The following NXPE4 variants were observed in gnomAD, a reference collection of about 807,000 sequenced individuals.
NXPE4 encodes neurexophilin and PC-esterase domain family member 4.
NXPE4 carries 42 observed loss-of-function variants against 33.3 expected under a neutral mutation model. The observed-to-expected ratio is 1.26, with a 90% CI of 0.98 to 1.63. NXPE4 has a LOEUF of 1.63. Among genes scored for constraint, NXPE4 ranks in the 40% most tolerant of loss-of-function variants. The probability of loss-of-function intolerance (pLI) is 0.00; values close to 1 mark genes in which losing one functional copy is unlikely to be tolerated. For missense variants in NXPE4, 709 were observed against 647.6 expected (o/e 1.09, Z -1.03); for synonymous variants, 253 against 234.9 (o/e 1.08, Z -0.71).
At chr11:114,660,452 C>T in the NXPE4 span, among the ~76,000 whole-genome samples, 1 of 151,910 alleles carries the variant, frequency 6.6e-6, no homozygotes, top group African/African-American at 2.4e-5. Context: ...AAGCCTTGTT[C>T]ATCATTTGAA....
the NXPE4 span, among the ~76,000 whole-genome samples, chr11:114,677,724 A>G: frequency 4.8e-4 from 73 of 152,176 alleles, no homozygotes; most frequent in African/African-American, 1.7e-3. Context: ...ACACATATCT[A>G]TGAAGTATAC....
At chr11:114,615,042 G>T in the NXPE4 span, among the ~76,000 whole-genome samples, 1 of 151,330 alleles carries the variant, frequency 6.6e-6, no homozygotes, top group African/African-American at 2.4e-5. Flanking sequence ...TTACCCACTG[G>T]ATAATAAGTG....
At chr11:114,619,439 C>T in the NXPE4 span, among the ~76,000 whole-genome samples, 6 of 151,460 alleles carry the variant, frequency 4.0e-5, no homozygotes, top group South Asian at 2.1e-4. Context: ...CACTGTTACC[C>T]GGTGGAGAAT....
the NXPE4 span, among the ~76,000 whole-genome samples, chr11:114,640,898 G>A: frequency 6.6e-6 from 1 of 151,890 alleles, no homozygotes; most frequent in East Asian, 1.9e-4. Context: ...CTCTCATTTT[G>A]TAGGTTTCCT....
At chr11:114,632,562 T>C in the NXPE4 span, among the ~76,000 whole-genome samples, 1 of 115,770 alleles carries the variant, frequency 8.6e-6, no homozygotes, top group Non-Finnish European at 1.6e-5. Context: ...ATTTGTTATA[T>C]ATTTACATAT....
the NXPE4 span, among the ~76,000 whole-genome samples, chr11:114,603,678 A>C: frequency 2.6e-5 from 4 of 151,172 alleles, no homozygotes; most frequent in African/African-American, 9.7e-5. Context: ...CTCTTGGGTA[A>C]CTCCTATTAC....
upstream of NXPE4, among the ~76,000 whole-genome samples, chr11:114,598,728 C>T (rs2135316371): frequency 6.6e-6 from 1 of 152,232 alleles, no homozygotes; most frequent in African/African-American, 2.4e-5. Flanking sequence ...TGAGGCTGTG[C>T]AGGGTGACAG....
chr11:114,602,814 C>G, the NXPE4 span, among the ~76,000 whole-genome samples: 1 of 138,822 alleles, frequency 7.2e-6, no homozygotes, highest in Non-Finnish European at 1.5e-5. Context: ...ATTACAGAAT[C>G]ATATATAATA....
At chr11:114,600,152 C>T (rs1949620794), upstream of NXPE4, among the ~76,000 whole-genome samples, 1 of 151,924 alleles carries the variant, frequency 6.6e-6, no homozygotes, top group Non-Finnish European at 1.5e-5. Flanking sequence ...AGTTTATTTC[C>T]ACCAATATAT....
Position 114,582,485 on chromosome 11 carries a change from G to T in NXPE4, c.633C>A (p.Gly211=), listed in dbSNP as rs779508520. The T allele has an allele frequency of 6.2e-7, 1 of 1,614,124 alleles. No individual in the cohort carries two copies. Residue 211 remains glycine, a synonymous_variant, in exon 3 of 6, where the codon GGC becomes GGA. Coordinates refer to ENST00000375478, the MANE Select transcript of NXPE4 (RefSeq NM_001077639.2). ...RVIFTGQFVN[G]TSQVHSECGL... ...CACATTCAGAGTGGACTTGGGAAGTGCCATTGACAAACTGGCCAGTGAAGA... is the reference window on the plus strand; with the variant it reads ...CACATTCAGAGTGGACTTGGGAAGTTCCATTGACAAACTGGCCAGTGAAGA...
At chr11:114,629,558 A>G in the NXPE4 span, among the ~76,000 whole-genome samples, 1 of 151,878 alleles carries the variant, frequency 6.6e-6, no homozygotes, top group South Asian at 2.1e-4. Flanking sequence ...ACCCACAGCC[A>G]ATATCATATT....
chr11:114,647,769 T>TG, the NXPE4 span, among the ~76,000 whole-genome samples: 1 of 152,008 alleles, frequency 6.6e-6, no homozygotes, highest in Non-Finnish European at 1.5e-5. Flanking sequence ...TGGCATGATC[T>TG]GGGTTCACTG....
the NXPE4 span, among the ~76,000 whole-genome samples, chr11:114,663,286 C>T: frequency 6.6e-6 from 1 of 152,150 alleles, no homozygotes; most frequent in Non-Finnish European, 1.5e-5. Context: ...TACAGTAGAA[C>T]CATTAATATC....
chr11:114,632,178 TAATA>T, the NXPE4 span, among the ~76,000 whole-genome samples: 5,531 of 142,118 alleles, frequency 0.039, 173 homozygotes, highest in Middle Eastern at 0.097. Context: ...ATATAATATA[TAATA>T]AATAAATGAT....
intron 4 of NXPE4, 122 bp downstream of exon 4, chr11:114,581,603 T>C (rs1949147075): frequency 1.3e-6 from 1 of 772,286 alleles, no homozygotes; most frequent in Non-Finnish European, 2.2e-6. Flanking sequence ...TGGCCAACCT[T>C]AGATAAGCCA....
chr11:114,639,223 G>A, the NXPE4 span, among the ~76,000 whole-genome samples: 43 of 151,852 alleles, frequency 2.8e-4, no homozygotes, highest in Non-Finnish European at 3.2e-4. Context: ...ATCTCAGACT[G>A]CTGTGCGAGC....
chr11:114,674,177 T>A, the NXPE4 span, among the ~76,000 whole-genome samples: 1 of 151,796 alleles, frequency 6.6e-6, no homozygotes, highest in Non-Finnish European at 1.5e-5. Flanking sequence ...GTCTTTTATT[T>A]AAAAAATTCA....
chr11:114,601,537 A>G, the NXPE4 span, among the ~76,000 whole-genome samples: 1,753 of 81,902 alleles, frequency 0.021, 17 homozygotes, highest in Admixed American at 0.035. Context: ...ATTATATATA[A>G]TATATATTAT....
chr11:114,639,776 A>C, the NXPE4 span, among the ~76,000 whole-genome samples: 1 of 129,020 alleles, frequency 7.8e-6, no homozygotes, highest in African/African-American at 3.0e-5. Flanking sequence ...ATAAAATAAT[A>C]TAAAATATAA....
Sources: allele counts gnomAD v4.1 joint callset (sites outside exome capture counted in the v4.1 genomes callset), GRCh38; gene constraint gnomAD v4.1.1; transcripts MANE v1.5; gene names NCBI Gene and HGNC (gene_info 2026-07-23, HGNC 2026-07-21).